The following DACH1 variants were observed in gnomAD, a reference collection of about 807,000 sequenced individuals.
DACH1 encodes the protein dachshund family transcription factor 1.
Under a neutral mutation model 54.2 loss-of-function variants are expected in DACH1, and 12 were observed. That is an observed-to-expected ratio of 0.22 (90% CI 0.14 to 0.36). The LOEUF (loss-of-function observed/expected upper bound fraction) is 0.36. Ranked by LOEUF, DACH1 falls within the 10% of genes least tolerant of loss-of-function variation. The probability of loss-of-function intolerance (pLI) is 1.00; values close to 1 mark genes in which losing one functional copy is unlikely to be tolerated. For missense variants in DACH1, 805 were observed against 929.8 expected (o/e 0.87, Z 1.75); for synonymous variants, 386 against 366.2 (o/e 1.05, Z -0.62).
At chr13:71,455,813 A>G (rs1297392245) in intron 10 of DACH1, among the ~76,000 whole-genome samples, 1 of 152,156 alleles carries the variant, frequency 6.6e-6, no homozygotes, top group Middle Eastern at 3.2e-3. Context: ...ATTGGCTGAG[A>G]TCTATTTCAG....
chr13:71,480,997 A>G (rs186371046), intron 7 of DACH1, among the ~76,000 whole-genome samples: 10 of 152,288 alleles, frequency 6.6e-5, no homozygotes, highest in African/African-American at 2.4e-4. Flanking sequence ...GGAAACTGCC[A>G]TCTTAACTCA....
chr13:71,635,650 C>A (rs1877430358), intron 2 of DACH1, among the ~76,000 whole-genome samples: 1 of 152,136 alleles, frequency 6.6e-6, no homozygotes, highest in Non-Finnish European at 1.5e-5. Flanking sequence ...ACACCCTTTT[C>A]CTTCCTTTCT....
chr13:71,800,291 G>A (rs1702796849), intron 1 of DACH1, among the ~76,000 whole-genome samples: 1 of 152,074 alleles, frequency 6.6e-6, no homozygotes, highest in African/African-American at 2.4e-5. Context: ...AAGAAGCAAA[G>A]GGGAATAGAA....
Position 71,675,095 on chromosome 13 carries a change from C to A in DACH1, c.964+6700G>T. The A allele has an allele frequency of 3.8e-6, 6 of 1,561,886 alleles. 1 individual carries two copies. In the South Asian group the frequency reaches 6.7e-5, roughly 17 times the overall value. Reference sequence around the variant, plus strand: ...CGTACAAAGCAGACTGCCCGCAAATCGACCGGTGGTAAAGCACCCAGGAAG... The same window carrying A: ...CGTACAAAGCAGACTGCCCGCAAATAGACCGGTGGTAAAGCACCCAGGAAG... On this transcript the variant is annotated intron_variant, in intron 2 of 10. Transcript: ENST00000613252.
chr13:71,577,096 C>A (rs1010555302), intron 3 of DACH1, among the ~76,000 whole-genome samples: 2 of 152,126 alleles, frequency 1.3e-5, no homozygotes, highest in African/African-American at 4.8e-5. Flanking sequence ...TCTCCTCCAG[C>A]TTCATGATCG....
intron 3 of DACH1, among the ~76,000 whole-genome samples, chr13:71,620,576 T>C (rs1876156644): frequency 1.3e-5 from 2 of 151,976 alleles, no homozygotes; most frequent in Admixed American, 6.6e-5. Context: ...TGAGTATAAA[T>C]TATTAATCAG....
chr13:71,785,359 A>C (rs1377715101), intron 1 of DACH1, among the ~76,000 whole-genome samples: 1 of 152,208 alleles, frequency 6.6e-6, no homozygotes, highest in Non-Finnish European at 1.5e-5. Context: ...ATTGCTGTTA[A>C]GATTTAAAAA....
At chr13:71,577,009 C>T (rs1195917141) in intron 3 of DACH1, among the ~76,000 whole-genome samples, 1 of 152,134 alleles carries the variant, frequency 6.6e-6, no homozygotes, top group Non-Finnish European at 1.5e-5. Context: ...TAAACATTTC[C>T]ATGGTGGTAA....
In DACH1 at chr13:71,565,978, T is replaced by C. The variant is rs902252619; in HGVS notation, c.1300-6023A>G. ...CCATCTGACAATGAATACTGGCGTC[T>C]TAATTAAAAGGTAGGACTTCTTTCT... is the stretch of plus-strand genomic sequence containing the variant. On this transcript the variant is annotated intron_variant, in intron 4 of 10. Coordinates refer to ENST00000613252, the MANE Select transcript of DACH1 (RefSeq NM_080759.6). 2.0e-5 allele frequency among the ~76,000 whole-genome samples: 3 copies of C among 152,156 alleles called. No homozygotes were observed. The East Asian group carries it at 5.8e-4, about 29-fold the overall frequency.
intron 6 of DACH1, among the ~76,000 whole-genome samples, chr13:71,516,217 TAAAA>T (rs1234028423): frequency 6.6e-6 from 1 of 151,952 alleles, no homozygotes; most frequent in East Asian, 1.9e-4. Flanking sequence ...TGTAGAAACT[TAAAA>T]ATAATAATAT....
chr13:71,609,124 A>C (rs1263021437), intron 3 of DACH1, among the ~76,000 whole-genome samples: 1 of 152,090 alleles, frequency 6.6e-6, no homozygotes. Flanking sequence ...ATAGTATAAA[A>C]TTTATTCTAA....
At chr13:71,540,457 T>G (rs1461743712) in intron 6 of DACH1, among the ~76,000 whole-genome samples, 2 of 152,126 alleles carry the variant, frequency 1.3e-5, no homozygotes, top group Non-Finnish European at 1.5e-5. Flanking sequence ...ACAGGATGCC[T>G]CTTTTGTTTT....
At chr13:71,660,646 T>C (rs1185165380) in intron 2 of DACH1, among the ~76,000 whole-genome samples, 13 of 151,976 alleles carry the variant, frequency 8.6e-5, no homozygotes, top group Admixed American at 8.5e-4. Context: ...CAGAAAGTTG[T>C]TGGGAGATGA....
intron 2 of DACH1, among the ~76,000 whole-genome samples, chr13:71,654,190 G>A (rs1878883278): frequency 6.6e-6 from 1 of 151,670 alleles, no homozygotes; most frequent in Non-Finnish European, 1.5e-5. Context: ...AGGAGTTTGA[G>A]ACCAGCCTGG....
At chr13:71,451,837 G>A (rs1168490410) in intron 10 of DACH1, among the ~76,000 whole-genome samples, 1 of 152,154 alleles carries the variant, frequency 6.6e-6, no homozygotes, top group Non-Finnish European at 1.5e-5. Flanking sequence ...TCAAAGTATT[G>A]TCAATGAAAT....
chr13:71,516,802 G>A (rs901245318), intron 6 of DACH1, among the ~76,000 whole-genome samples: 1 of 151,792 alleles, frequency 6.6e-6, no homozygotes, highest in African/African-American at 2.4e-5. Context: ...CTCCAGAGCA[G>A]ATTGAGCAAA....
chr13:71,755,825 C>G (rs532162377), intron 1 of DACH1, among the ~76,000 whole-genome samples: 1 of 152,276 alleles, frequency 6.6e-6, no homozygotes, highest in South Asian at 2.1e-4. Flanking sequence ...CTTTTAATCA[C>G]AGCATTAGCA....
intron 1 of DACH1, among the ~76,000 whole-genome samples, chr13:71,687,838 G>C (rs1881262247): frequency 1.3e-5 from 2 of 152,040 alleles, no homozygotes; most frequent in Non-Finnish European, 2.9e-5. Flanking sequence ...CGAATTCCTG[G>C]GCTCAAGCTA....
intron 1 of DACH1, among the ~76,000 whole-genome samples, chr13:71,742,228 T>C (rs1370018637): frequency 6.6e-6 from 1 of 152,292 alleles, no homozygotes; most frequent in East Asian, 1.9e-4. Flanking sequence ...ATTAAATCTC[T>C]TTTTCTTCCC....
Sources: gnomAD v4.1 joint callset for allele counts (sites outside exome capture counted in the v4.1 genomes callset) on GRCh38, gnomAD v4.1.1 for gene constraint, MANE v1.5 for transcripts, NCBI Gene and HGNC (gene_info 2026-07-23, HGNC 2026-07-21) for gene names.